The following CSMD1 variants were observed in gnomAD, a reference collection of about 807,000 sequenced individuals.
The protein encoded by CSMD1 is CUB and sushi domain-containing protein 1.
CSMD1 carries 213 observed loss-of-function variants against 417.5 expected under a neutral mutation model. The ratio of observed to expected loss-of-function variants is 0.51; its 90% CI spans 0.46 to 0.57. The LOEUF (loss-of-function observed/expected upper bound fraction) is 0.57, where lower values mean the gene tolerates loss of function less well. Among genes scored for constraint, CSMD1 ranks in the 20% least tolerant of loss-of-function variants. The pLI is 0.00. For synonymous variants in CSMD1, 2,862 were observed against 1,736.8 expected (o/e 1.65, Z -16.11); for missense variants, 6,923 against 4,529.7 (o/e 1.53, Z -15.17).
chr8:3,088,214 G>A (rs1484595143), intron 48 of CSMD1, among the ~76,000 whole-genome samples: 1 of 152,132 alleles, frequency 6.6e-6, no homozygotes, highest in Non-Finnish European at 1.5e-5. Context: ...AAAAGTCTCT[G>A]CATCTTATTT....
At chr8:4,121,120 T>G (rs1234384874) in intron 3 of CSMD1, among the ~76,000 whole-genome samples, 1 of 152,010 alleles carries the variant, frequency 6.6e-6, no homozygotes, top group African/African-American at 2.4e-5. Flanking sequence ...TATTTTTATT[T>G]ATTATTTATT....
intron 43 of CSMD1, 22 bp from the exon 44 acceptor site, chr8:3,108,770 G>T: frequency 6.3e-7 from 1 of 1,594,700 alleles, no homozygotes; most frequent in Non-Finnish European, 8.6e-7. Flanking sequence ...AGAAAGAGGT[G>T]GCTGGCTAAG....
chr8:3,620,811 T>G (rs1802386887), intron 7 of CSMD1, among the ~76,000 whole-genome samples: 1 of 152,196 alleles, frequency 6.6e-6, no homozygotes, highest in South Asian at 2.1e-4. Flanking sequence ...AAGTCAGAGC[T>G]ACCCTTTAAA....
chr8:3,535,945 C>T (rs1039241431), intron 10 of CSMD1, among the ~76,000 whole-genome samples: 17 of 152,164 alleles, frequency 1.1e-4, no homozygotes, highest in African/African-American at 3.9e-4. Context: ...AAGCCCCCAC[C>T]AGTCGGTTAC....
At chr8:4,088,922 C>G (rs1800571380) in intron 3 of CSMD1, among the ~76,000 whole-genome samples, 1 of 152,174 alleles carries the variant, frequency 6.6e-6, no homozygotes, top group Non-Finnish European at 1.5e-5. Context: ...AGCGAAAAAG[C>G]ACTCCCCTGC....
At chr8:3,950,860 T>C (rs1247793203) in intron 5 of CSMD1, among the ~76,000 whole-genome samples, 2 of 152,298 alleles carry the variant, frequency 1.3e-5, no homozygotes, top group East Asian at 1.9e-4. Flanking sequence ...CTTTAAAAGA[T>C]TAAATTTCAT....
chr8:4,544,461 G>C (rs1263656773), intron 2 of CSMD1, among the ~76,000 whole-genome samples: 1 of 151,824 alleles, frequency 6.6e-6, no homozygotes, highest in Non-Finnish European at 1.5e-5. Context: ...CTCTTTCCTT[G>C]TAACGTTACA....
At chr8:3,459,643 T>C (rs1296965974) in intron 12 of CSMD1, among the ~76,000 whole-genome samples, 1 of 151,936 alleles carries the variant, frequency 6.6e-6, no homozygotes, top group African/African-American at 2.4e-5. Flanking sequence ...TCCCGGACGG[T>C]CCAGGGGAGG....
intron 50 of CSMD1, among the ~76,000 whole-genome samples, chr8:3,037,237 G>A (rs995873746): frequency 4.3e-5 from 6 of 140,774 alleles, no homozygotes; most frequent in African/African-American, 7.5e-5. Context: ...ACGGAGTCTC[G>A]CTCTGTGGCC....
At chr8:4,954,884 A>G (rs904676771) in intron 1 of CSMD1, among the ~76,000 whole-genome samples, 2 of 152,226 alleles carry the variant, frequency 1.3e-5, no homozygotes, top group African/African-American at 4.8e-5. Context: ...TCAGGAATTC[A>G]GAGTACTTTG....
At chr8:4,788,607 T>G (rs1402281132) in intron 1 of CSMD1, 1 of 1,037,448 alleles carries the variant, frequency 9.6e-7, no homozygotes, top group Non-Finnish European at 1.4e-6. Flanking sequence ...CCATTGAAAT[T>G]TTTAGGGGAA....
intron 1 of CSMD1, among the ~76,000 whole-genome samples, chr8:4,883,095 C>G (rs1179369018): frequency 6.6e-6 from 1 of 151,992 alleles, no homozygotes. Flanking sequence ...CTGGAGTCCT[C>G]TACAAGATTT....
intron 6 of CSMD1, among the ~76,000 whole-genome samples, chr8:3,746,780 T>C (rs535471493): frequency 1.3e-5 from 2 of 152,328 alleles, no homozygotes; most frequent in African/African-American, 4.8e-5. Context: ...CTTTTACATT[T>C]ATGACTTTTT....
chr8:3,519,512 T>G lies in CSMD1; in HGVS notation c.1345-25786A>C, dbSNP rs369819110. Among the ~76,000 whole-genome samples, 47 of 152,246 alleles carry G rather than the reference T, an allele frequency of 3.1e-4. 1 individual carries two copies. Among genetic ancestry groups the G allele is most frequent in the East Asian group, 2.1e-3 (11 of 5,180 alleles). ...TTCAAACTCCAGCCAGCTTGTCTAG[T>G]ATACAGCACAGTGTCAGAAAGCTCA... is the stretch of plus-strand genomic sequence containing the variant. On this transcript the variant is annotated intron_variant, in intron 10 of 69. Transcript: ENST00000635120.
intron 1 of CSMD1, among the ~76,000 whole-genome samples, chr8:4,717,360 TACACACATATATATACAC>T (rs1808733981): frequency 7.0e-6 from 1 of 143,830 alleles, no homozygotes; most frequent in Non-Finnish European, 1.5e-5. Context: ...CACACATATA[TACACACATATATATACAC>T]ACACACATAT....
intron 1 of CSMD1, among the ~76,000 whole-genome samples, chr8:4,843,367 G>A (rs1373210351): frequency 2.0e-5 from 3 of 152,026 alleles, no homozygotes; most frequent in African/African-American, 7.2e-5. Context: ...TATACCTTAG[G>A]GATGATTACG....
At chr8:2,954,354 C>T in intron 64 of CSMD1, 86 bp from the exon 65 acceptor site, 1 of 780,760 alleles carries the variant, frequency 1.3e-6, no homozygotes, top group South Asian at 1.9e-5. Context: ...AAGCAATTTT[C>T]CTTTCTCCAG....
rs937397637 is a variant in CSMD1 at position 4,141,398 on chromosome 8, T to C, written c.416-109299A>G. 2.6e-5 allele frequency among the ~76,000 whole-genome samples: 4 copies of C among 151,210 alleles called. 1 individual carries two copies. Among genetic ancestry groups the C allele is most frequent in the African/African-American group, 7.4e-5 (3 of 40,486 alleles). On this transcript the variant is annotated intron_variant, in intron 3 of 69. Transcript: ENST00000635120. ...AGAATACCAAGAAGCTAAAGAAAGA[T>C]TTGGCTAAACAAAGGAAACACAGTG... is the stretch of plus-strand genomic sequence containing the variant.
chr8:3,973,714 T>A (rs1351306804), intron 5 of CSMD1, among the ~76,000 whole-genome samples: 1 of 152,204 alleles, frequency 6.6e-6, no homozygotes. Flanking sequence ...CTTTATCACT[T>A]TGCAAGAACA....
Sources: gnomAD v4.1 joint callset for allele counts (sites outside exome capture counted in the v4.1 genomes callset) on GRCh38, gnomAD v4.1.1 for gene constraint, MANE v1.5 for transcripts, NCBI Gene and HGNC (gene_info 2026-07-23, HGNC 2026-07-21) for gene names.